The following CC2D2A variants were observed in gnomAD, a reference collection of about 807,000 sequenced individuals.
CC2D2A encodes the protein coiled-coil and C2 domain containing 2A, also known as coiled-coil and C2 domain-containing protein 2A.
In CC2D2A, 155 loss-of-function variants were observed where a neutral mutation model predicts 212.9. That is an observed-to-expected ratio of 0.73 (90% CI 0.64 to 0.83). The LOEUF (loss-of-function observed/expected upper bound fraction) is 0.83, where lower values mean the gene tolerates loss of function less well. CC2D2A is among the 40% of genes least tolerant of loss of function. The probability of loss-of-function intolerance (pLI) is 0.00; values close to 1 mark genes in which losing one functional copy is unlikely to be tolerated. For synonymous variants in CC2D2A, 667 were observed against 686.5 expected (o/e 0.97, Z 0.44); for missense variants, 1,856 against 1,956.2 (o/e 0.95, Z 0.97).
intron 4 of CC2D2A, among the ~76,000 whole-genome samples, chr4:15,490,372 C>A (rs946801836): frequency 1.3e-5 from 2 of 152,178 alleles, no homozygotes; most frequent in Non-Finnish European, 2.9e-5. Flanking sequence ...CTGAACATTG[C>A]ATGTAAATGG....
chr4:15,588,543 G>C (rs1045066749), intron 32 of CC2D2A, among the ~76,000 whole-genome samples: 6 of 152,174 alleles, frequency 3.9e-5, no homozygotes, highest in Admixed American at 6.5e-5. Flanking sequence ...ACATACATTA[G>C]AGCAGTTTAT....
At chr4:15,470,202 T>C (rs1302545871) in intron 1 of CC2D2A, 145 bp downstream of exon 1, 3 of 152,194 alleles carry the variant, frequency 2.0e-5, no homozygotes, top group African/African-American at 7.2e-5. Flanking sequence ...TATTTATGTT[T>C]TTACTTTCTG....
chr4:15,513,485 C>T (rs2109010161), intron 8 of CC2D2A, among the ~76,000 whole-genome samples: 1 of 152,334 alleles, frequency 6.6e-6, no homozygotes, highest in Middle Eastern at 3.4e-3. Context: ...CTTCCTTTTG[C>T]CTATTCACTG....
intron 4 of CC2D2A, among the ~76,000 whole-genome samples, chr4:15,484,792 G>A (rs1714906505): frequency 6.6e-6 from 1 of 152,188 alleles, no homozygotes; most frequent in African/African-American, 2.4e-5. Flanking sequence ...GAATGGACAT[G>A]CAAAGTTGAG....
chr4:15,545,598 C>G (rs1362981445), intron 17 of CC2D2A, among the ~76,000 whole-genome samples: 1 of 152,096 alleles, frequency 6.6e-6, no homozygotes, highest in Non-Finnish European at 1.5e-5. Flanking sequence ...CTCAGAGCTT[C>G]TAGCCAGGCT....
Position 15,557,422 on chromosome 4 carries a change from A to G in CC2D2A, c.2744A>G (p.His915Arg). 1 of 1,612,830 alleles carries G rather than the reference A, an allele frequency of 6.2e-7. No individual in the cohort carries two copies. Among genetic ancestry groups the G allele is most frequent in the South Asian group, 1.1e-5 (1 of 91,032 alleles). Residue 915 changes from histidine (H) to arginine (R), a missense_variant, in exon 21 of 37, where the codon CAT (histidine) becomes CGT (arginine). Physicochemically the swap from His to Arg is conservative, Grantham distance 29. Around this residue, in one of 5 missense-constraint regions of CC2D2A, gnomAD observed 1,512 missense variants for 1,579.3 expected, o/e 0.96. Transcript: ENST00000424120. ...LNRSKRFRLL[H>R]LRSQEVPEFR... ...AGATCCAAACGATTTAGGCTTCTTC[A>G]TCTTAGAAGCCAAGAGGTGCCAGAA... is the stretch of plus-strand genomic sequence containing the variant.
At position 15,556,454 on chromosome 4, in the gene CC2D2A, T is replaced by C. The variant is rs12643165; in HGVS notation, c.2626-850T>C. Among the ~76,000 whole-genome samples the C allele has an allele frequency of 7.7e-4, 118 of 152,346 alleles. No homozygotes were observed. The East Asian group carries it at 0.021, about 27-fold the overall frequency. ...GTCATATTACCTAAAATGTAGTCTA[T>C]TCCATGTAAAGTTTTCAAATCACAT... On this transcript the variant is annotated intron_variant, in intron 20 of 36. Transcript: ENST00000424120.
intron 20 of CC2D2A, among the ~76,000 whole-genome samples, chr4:15,557,091 T>C (rs912994887): frequency 6.6e-6 from 1 of 152,238 alleles, no homozygotes; most frequent in Admixed American, 6.5e-5. Flanking sequence ...GTGAAACATA[T>C]AATTTTTATT....
intron 4 of CC2D2A, among the ~76,000 whole-genome samples, chr4:15,485,743 T>C (rs1287534810): frequency 2.5e-4 from 38 of 152,344 alleles, no homozygotes; most frequent in African/African-American, 8.4e-4. Context: ...TTTTTGCGTA[T>C]ACCTGTTGGC....
In CC2D2A at chr4:15,567,473, C is replaced by G; in HGVS notation, c.3279C>G (p.Pro1093=). Residue 1093 remains proline (P), a synonymous_variant, in exon 25 of 37, where the codon CCC becomes CCG. Coordinates refer to ENST00000424120, the MANE Select transcript of CC2D2A (RefSeq NM_001378615.1). The part of the protein sequence containing the change: ...TYSPTHNADY[P]LGQVLVRPFV... ...GCCCAACCCACAATGCTGACTACCCCCTCGGCCAGGTGAGAGATGCTGGAC... is the reference window on the plus strand; with the variant it reads ...GCCCAACCCACAATGCTGACTACCCGCTCGGCCAGGTGAGAGATGCTGGAC... 1 of 1,612,662 alleles carries G rather than the reference C, an allele frequency of 6.2e-7. No homozygotes were observed. Among genetic ancestry groups the G allele is most frequent in the Non-Finnish European group, 8.5e-7 (1 of 1,179,366 alleles).
intron 1 of CC2D2A, among the ~76,000 whole-genome samples, chr4:15,471,314 T>C (rs538659307): frequency 6.6e-6 from 1 of 152,236 alleles, no homozygotes; most frequent in Non-Finnish European, 1.5e-5. Context: ...GCAACTGCCC[T>C]GGGCCTGGCT....
intron 11 of CC2D2A, among the ~76,000 whole-genome samples, chr4:15,521,083 G>C (rs1717174021): frequency 6.6e-6 from 1 of 152,156 alleles, no homozygotes; most frequent in Non-Finnish European, 1.5e-5. Flanking sequence ...AAGCATCACA[G>C]AGCAAAGGAA....
intron 24 of CC2D2A, among the ~76,000 whole-genome samples, chr4:15,567,055 G>A (rs1196131327): frequency 6.6e-6 from 1 of 151,970 alleles, no homozygotes. Flanking sequence ...GGCCAAAGTG[G>A]GCAGATTACT....
chr4:15,546,846 C>A (rs894414608), intron 17 of CC2D2A, among the ~76,000 whole-genome samples: 3 of 152,096 alleles, frequency 2.0e-5, no homozygotes, highest in Non-Finnish European at 4.4e-5. Flanking sequence ...CAGGTGTGGT[C>A]ATCTAAAGGT....
At chr4:15,552,034 T>C (rs868524767) in intron 18 of CC2D2A, among the ~76,000 whole-genome samples, 1 of 152,242 alleles carries the variant, frequency 6.6e-6, no homozygotes, top group African/African-American at 2.4e-5. Flanking sequence ...TAATGTCTTA[T>C]AAGGTTATTT....
chr4:15,578,712 G>A (rs924564807), intron 29 of CC2D2A, among the ~76,000 whole-genome samples: 2 of 152,068 alleles, frequency 1.3e-5, no homozygotes, highest in African/African-American at 2.4e-5. Flanking sequence ...TGCAACCTCC[G>A]CCTCCCAGGC....
chr4:15,597,999 CAT>C (rs1441464257), intron 35 of CC2D2A, among the ~76,000 whole-genome samples: 2 of 152,164 alleles, frequency 1.3e-5, no homozygotes, highest in Admixed American at 6.5e-5. Flanking sequence ...GATTTCAAGA[CAT>C]GTGTACTATT....
intron 8 of CC2D2A, among the ~76,000 whole-genome samples, chr4:15,513,794 T>G (rs1716705388): frequency 6.6e-6 from 1 of 152,210 alleles, no homozygotes; most frequent in Admixed American, 6.5e-5. Flanking sequence ...TTGTTTGATG[T>G]TTTGGCATTC....
At chr4:15,536,774 C>G in intron 14 of CC2D2A, 146 bp from the exon 15 acceptor site, 1 of 690,466 alleles carries the variant, frequency 1.4e-6, no homozygotes, top group East Asian at 2.8e-5. Flanking sequence ...ATAATAGCAT[C>G]TGCCTCACAG....
Sources: gnomAD v4.1 joint callset for allele counts (sites outside exome capture counted in the v4.1 genomes callset) on GRCh38, gnomAD v4.1.1 for gene constraint, gnomAD v4.1.1 regional missense constraint, MANE v1.5 for transcripts, NCBI Gene and HGNC (gene_info 2026-07-23, HGNC 2026-07-21) for gene names.